The following VPS13D variants were observed in gnomAD, a reference collection of about 807,000 sequenced individuals.
The protein encoded by VPS13D is vacuolar protein sorting 13 homolog D, also known as intermembrane lipid transfer protein VPS13D.
In VPS13D, 187 loss-of-function variants were observed where a neutral mutation model predicts 461.9. That is an observed-to-expected ratio of 0.40 (90% CI 0.36 to 0.46). The LOEUF is 0.46. Ranked by LOEUF, VPS13D falls within the 20% of genes least tolerant of loss-of-function variation. VPS13D has a pLI of 0.60. For missense variants in VPS13D, 4,711 were observed against 5,364.9 expected, an observed-to-expected ratio of 0.88 and a Z score of 3.81; for synonymous variants, 1,951 against 1,986.3, an observed-to-expected ratio of 0.98 and a Z score of 0.47.
At chr1:12,287,805 G>C (rs1186321052) in intron 21 of VPS13D, among the ~76,000 whole-genome samples, 1 of 152,012 alleles carries the variant, frequency 6.6e-6, no homozygotes, top group East Asian at 1.9e-4. Context: ...TTAAATATTT[G>C]TTCAGAGGCA....
intron 60 of VPS13D, among the ~76,000 whole-genome samples, chr1:12,387,627 G>A (rs111330897): frequency 6.6e-6 from 1 of 152,194 alleles, no homozygotes; most frequent in Admixed American, 6.5e-5. Context: ...CGTTAAAACT[G>A]TTAATGTAAC....
chr1:12,411,531 A>G (rs1411681269), intron 63 of VPS13D, among the ~76,000 whole-genome samples: 1 of 134,172 alleles, frequency 7.5e-6, no homozygotes, highest in Admixed American at 7.6e-5. Context: ...GGAGAGAGAG[A>G]TGAGAGGGAA....
At chr1:12,286,204 A>T (rs567207125) in intron 21 of VPS13D, among the ~76,000 whole-genome samples, 2 of 152,102 alleles carry the variant, frequency 1.3e-5, no homozygotes, top group South Asian at 4.2e-4. Flanking sequence ...CAGTCCCTCG[A>T]GTAGCTGGGA....
intron 65 of VPS13D, among the ~76,000 whole-genome samples, chr1:12,418,880 C>G (rs1644828093): frequency 6.6e-6 from 1 of 152,142 alleles, no homozygotes; most frequent in Non-Finnish European, 1.5e-5. Context: ...CCATAGTTCA[C>G]TGGGTTAAGA....
Position 12,258,078 on chromosome 1 carries a change from G to C in VPS13D, c.1085G>C (p.Gly362Ala), listed in dbSNP as rs1033001351. 6.2e-7 allele frequency: 1 copy of C among 1,614,200 alleles called. No homozygotes were observed. The highest frequency in any genetic ancestry group is 8.5e-7 in the Non-Finnish European group (1 of 1,180,038). Reference protein sequence around the residue: ...YTDKYFNKLKGGLLSTDDKEE... With the variant: ...YTDKYFNKLKAGLLSTDDKEE... The stretch of plus-strand genomic sequence containing the variant: ...GACAAATATTTCAACAAGTTAAAAG[G>C]AGGCCTGCTGTCCACAGATGACAAG... Residue 362 changes from glycine (G) to alanine (A), a missense_variant, in exon 10 of 70, where the codon GGA becomes GCA. Physicochemically the swap from Gly to Ala is moderately conservative, Grantham distance 60. Coordinates refer to ENST00000620676, the MANE Select transcript of VPS13D (RefSeq NM_015378.4).
chr1:12,240,595 C>CAAAAAA (rs781165302), intron 2 of VPS13D, among the ~76,000 whole-genome samples: 7 of 43,002 alleles, frequency 1.6e-4, no homozygotes, highest in Admixed American at 7.2e-4. Flanking sequence ...GATTCCATCT[C>CAAAAAA]AAAAAAAAAA....
intron 67 of VPS13D, among the ~76,000 whole-genome samples, chr1:12,461,382 T>G (rs1173257613): frequency 6.6e-6 from 1 of 152,114 alleles, no homozygotes; most frequent in Non-Finnish European, 1.5e-5. Flanking sequence ...ATTACTGCAG[T>G]AGGGGAAATG....
At position 12,473,926 on chromosome 1, in the gene VPS13D, C is replaced by T. The variant is rs961660604; in HGVS notation, c.12662+13530C>T. On this transcript the variant is annotated intron_variant, in intron 67 of 69. Transcript: ENST00000620676. This position sits in a 1 kb window ranked among gnomAD's most constrained non-coding sequence, Gnocchi z 4.2. ...TCTGAGCCTTTGTGTGTGGGAACCGCACTGGAAAAGGTGTGCAGAGGCCAC... is the reference window on the plus strand; with the variant it reads ...TCTGAGCCTTTGTGTGTGGGAACCGTACTGGAAAAGGTGTGCAGAGGCCAC... Among the ~76,000 whole-genome samples the T allele has an allele frequency of 6.6e-6, 1 of 152,134 alleles. No homozygotes were observed. The highest frequency in any genetic ancestry group is 1.5e-5 in the Non-Finnish European group (1 of 68,034).
At chr1:12,446,390 C>G (rs1830509) in intron 65 of VPS13D, among the ~76,000 whole-genome samples, 2 of 150,536 alleles carry the variant, frequency 1.3e-5, no homozygotes, top group Non-Finnish European at 3.0e-5. Flanking sequence ...GCACTCCAGC[C>G]TGGGTGACAG....
chr1:12,275,915 C>T lies in VPS13D; in HGVS notation c.2327C>T (p.Pro776Leu). The T allele has an allele frequency of 6.2e-7, 1 of 1,613,920 alleles. No individual in the cohort carries two copies. ...TATAAGACCCCCCTGGCCACACCTCCTAACACCCCACCTCCCGAGTCAAGC... is the reference window on the plus strand; with the variant it reads ...TATAAGACCCCCCTGGCCACACCTCTTAACACCCCACCTCCCGAGTCAAGC... ...DEYKTPLATP[P>L]NTPPPESSSS... The change falls in exon 19 of 70, where the codon CCT becomes CTT. Residue 776 changes from proline (P) to leucine (L), a missense_variant. By Grantham distance (98) the Pro-to-Leu change is moderately conservative (BLOSUM62 -3). Transcript: ENST00000620676.
intron 23 of VPS13D, among the ~76,000 whole-genome samples, chr1:12,292,320 G>A (rs1284814004): frequency 6.9e-6 from 1 of 145,184 alleles, no homozygotes; most frequent in Non-Finnish European, 1.5e-5. Flanking sequence ...ATAAAATGGT[G>A]GTTTTCAACC....
chr1:12,407,465 A>G (rs1376642195), intron 63 of VPS13D: 1 of 152,246 alleles, frequency 6.6e-6, no homozygotes, highest in Non-Finnish European at 1.5e-5. Flanking sequence ...GCCTTCTCCA[A>G]AATCCATTTT....
chr1:12,501,878 C>T (rs1204049617), intron 68 of VPS13D, among the ~76,000 whole-genome samples: 2 of 152,110 alleles, frequency 1.3e-5, no homozygotes, highest in African/African-American at 2.4e-5. Flanking sequence ...TTGCAGGAGG[C>T]GGAGGAATGT....
At chr1:12,255,823 G>A (rs1416403012) in intron 7 of VPS13D, among the ~76,000 whole-genome samples, 4 of 150,336 alleles carry the variant, frequency 2.7e-5, no homozygotes, top group Admixed American at 1.3e-4. Context: ...CCGGGGAGTC[G>A]GAGGTTGCAG....
chr1:12,376,693 A>T (rs1191644302), intron 55 of VPS13D, among the ~76,000 whole-genome samples: 1 of 152,226 alleles, frequency 6.6e-6, no homozygotes, highest in Non-Finnish European at 1.5e-5. Context: ...GTAGAATGTG[A>T]TAAAAAGCTA....
chr1:12,362,224 A>C (rs1414293986), intron 50 of VPS13D, among the ~76,000 whole-genome samples: 1 of 152,230 alleles, frequency 6.6e-6, no homozygotes, highest in Non-Finnish European at 1.5e-5. Context: ...AATGGGCTAA[A>C]ATAAAATACT....
At chr1:12,405,238 T>A (rs1294587548) in intron 63 of VPS13D, among the ~76,000 whole-genome samples, 1 of 152,174 alleles carries the variant, frequency 6.6e-6, no homozygotes, top group Non-Finnish European at 1.5e-5. Context: ...TGTTGCCAGA[T>A]CTTCAGATTT....
At chr1:12,370,750 G>GA (rs1371385663) in intron 54 of VPS13D, among the ~76,000 whole-genome samples, 1 of 152,200 alleles carries the variant, frequency 6.6e-6, no homozygotes, top group African/African-American at 2.4e-5. Flanking sequence ...TTTAATGCCT[G>GA]AAAAACCGAA....
At chr1:12,244,047 G>A (rs1405240594) in intron 3 of VPS13D, among the ~76,000 whole-genome samples, 199 bp from the exon 4 acceptor site, 1 of 152,114 alleles carries the variant, frequency 6.6e-6, no homozygotes, top group Non-Finnish European at 1.5e-5. Context: ...GCTTATATAA[G>A]TCATTATACC....
Sources: allele counts gnomAD v4.1 joint callset (sites outside exome capture counted in the v4.1 genomes callset), GRCh38; gene constraint gnomAD v4.1.1; non-coding constraint Gnocchi (gnomAD v3.1); transcripts MANE v1.5; gene names NCBI Gene and HGNC (gene_info 2026-07-23, HGNC 2026-07-21).